Variants in HUWE1 observed in about 807,000 individuals in gnomAD.
HUWE1 encodes E3 ubiquitin-protein ligase HUWE1.
In HUWE1, 18 loss-of-function variants were observed where a neutral mutation model predicts 299.4. The ratio of observed to expected loss-of-function variants is 0.06; its 90% CI spans 0.04 to 0.09. The LOEUF (loss-of-function observed/expected upper bound fraction) is 0.09, where lower values mean the gene tolerates loss of function less well. HUWE1 is among the 10% of genes least tolerant of loss of function. The pLI is 1.00. For synonymous variants in HUWE1, 1,317 were observed against 1,286.1 expected (o/e 1.02, Z -0.51); for missense variants, 1,832 against 3,462.3 (o/e 0.53, Z 11.82).
chrX:53,661,030 T>C (rs375479859), intron 3 of HUWE1, among the ~76,000 whole-genome samples: 9 of 108,293 alleles, frequency 8.3e-5, no homozygotes, highest in Non-Finnish European at 1.1e-4. Flanking sequence ...TAACATGCGA[T>C]TCACTTTTTT....
chrX:53,683,730 G>A (rs1461023393), intron 2 of HUWE1: 3 of 277,078 alleles, frequency 1.1e-5, no homozygotes, highest in South Asian at 2.4e-4. Flanking sequence ...CCTTAACGCT[G>A]GGCACCTCAG....
At chrX:53,664,995 T>A (rs1244380345) in intron 3 of HUWE1, among the ~76,000 whole-genome samples, 1 of 112,362 alleles carries the variant, frequency 8.9e-6, no homozygotes, top group East Asian at 2.8e-4. Context: ...TCTATACCTA[T>A]TGTGCATTAT....
At chrX:53,560,461 C>G (rs1556940020) in intron 55 of HUWE1, 45 bp from the exon 56 acceptor site, 1 of 1,112,473 alleles carries the variant, frequency 9.0e-7, no homozygotes, top group Admixed American at 2.2e-5. Flanking sequence ...AAAGAAATTT[C>G]TTCCATGTTT....
intron 17 of HUWE1, chrX:53,625,914 G>C (rs1306381725): frequency 2.7e-6 from 1 of 374,503 alleles, no homozygotes. Context: ...ACTGGGACCA[G>C]GGCTGGGGCC....
At chrX:53,577,576 C>G (rs1428830960) in intron 43 of HUWE1, among the ~76,000 whole-genome samples, 1 of 112,611 alleles carries the variant, frequency 8.9e-6, no homozygotes, top group Non-Finnish European at 1.9e-5. Flanking sequence ...CGAGCCAAAG[C>G]TGGACGGTAC....
At chrX:53,670,485 G>GGT (rs1436294899) in intron 3 of HUWE1, among the ~76,000 whole-genome samples, 14 of 111,186 alleles carry the variant, frequency 1.3e-4, no homozygotes, top group African/African-American at 4.6e-4. Flanking sequence ...GGAAATATAG[G>GGT]GTATCATCCA....
chrX:53,608,938 C>T (rs1556999444), intron 23 of HUWE1, 29 bp from the exon 24 acceptor site: 1 of 862,792 alleles, frequency 1.2e-6, no homozygotes, highest in East Asian at 3.1e-5. Flanking sequence ...GTGAGTTACA[C>T]AGAAATTCAC....
At chrX:53,535,180 C>G (rs1460463316) in intron 81 of HUWE1, among the ~76,000 whole-genome samples, 1 of 111,796 alleles carries the variant, frequency 8.9e-6, no homozygotes, top group East Asian at 2.8e-4. Flanking sequence ...ACTGATCCGC[C>G]CACCTTGGCC....
chrX:53,629,632 C>G lies in HUWE1; in HGVS notation c.863-16G>C, dbSNP rs1557021043. The G allele has an allele frequency of 9.2e-7, 1 of 1,084,067 alleles. No homozygotes were observed. The highest frequency in any genetic ancestry group is 1.3e-6 in the Non-Finnish European group (1 of 779,560). 89.3% of individuals were successfully genotyped at this position (1,084,067 alleles called of 1,213,427 possible). A position where few individuals can be genotyped will look rare whatever the true frequency, so the allele number is the denominator to read the frequency against. On this transcript the variant is annotated splice_polypyrimidine_tract_variant and intron_variant, in intron 12 of 83. Coordinates refer to ENST00000262854, the MANE Select transcript of HUWE1 (RefSeq NM_031407.7). ...TTGGAATACACTGCAAAAGGAGAAACAAACACTTTAGGCAAGAAGGCAGTG... is the reference window on the plus strand; with the variant it reads ...TTGGAATACACTGCAAAAGGAGAAAGAAACACTTTAGGCAAGAAGGCAGTG...
intron 19 of HUWE1, among the ~76,000 whole-genome samples, chrX:53,622,991 A>G (rs185812152): frequency 5.4e-5 from 6 of 111,609 alleles, no homozygotes; most frequent in African/African-American, 2.0e-4. Context: ...GAAAACTGGG[A>G]GGTTGCTATG....
intron 74 of HUWE1, among the ~76,000 whole-genome samples, chrX:53,542,133 A>G (rs1172643126): frequency 3.6e-5 from 4 of 112,282 alleles, no homozygotes; most frequent in African/African-American, 1.3e-4. Context: ...CAGTGAGCAG[A>G]CATCGTGCCA....
At chrX:53,564,538 C>T (rs1250253850) in intron 51 of HUWE1, 36 bp downstream of exon 51, 56 of 1,203,157 alleles carry the variant, frequency 4.7e-5, no homozygotes, top group Non-Finnish European at 5.5e-5. Flanking sequence ...GGTTCAGCGC[C>T]GCAACAGGGA....
chrX:53,608,346 G>A (rs2065253814), intron 24 of HUWE1, among the ~76,000 whole-genome samples: 1 of 102,035 alleles, frequency 9.8e-6, no homozygotes, highest in African/African-American at 3.3e-5. Flanking sequence ...TGGGAAAAAA[G>A]GGGGAAAATA....
At chrX:53,676,661 G>C (rs1300822268) in intron 3 of HUWE1, among the ~76,000 whole-genome samples, 3 of 111,719 alleles carry the variant, frequency 2.7e-5, no homozygotes, top group Non-Finnish European at 5.6e-5. Flanking sequence ...AAGACTACTA[G>C]AGAGCATGTC....
intron 43 of HUWE1, 49 bp from the exon 44 acceptor site, chrX:53,577,116 A>T (rs782611123): frequency 2.6e-4 from 250 of 972,195 alleles, no homozygotes; most frequent in Non-Finnish European, 3.4e-4. Flanking sequence ...AGCAGTACCT[A>T]AACTAGGTTA....
In HUWE1 at chrX:53,617,475, C is replaced by T. The variant is rs201998952; in HGVS notation, c.1673-29G>A. The T allele has an allele frequency of 4.3e-5, 39 of 905,336 alleles. No individual in the cohort carries two copies. In the East Asian group the frequency reaches 1.2e-3, roughly 28 times the overall value. 74.6% of individuals were successfully genotyped at this position (905,336 alleles called of 1,213,427 possible). ...AAAAAAGATGAGAAAATATGGAAAA[C>T]TGAGAGATTCCTCACAGAAACTGAA... On this transcript the variant is annotated intron_variant, in intron 19 of 83. Coordinates refer to ENST00000262854, the MANE Select transcript of HUWE1 (RefSeq NM_031407.7).
rs782090206 is a variant in HUWE1 at position 53,594,456 on chromosome X, A to C, written c.3503+43T>G. 6.5e-5 allele frequency: 78 copies of C among 1,197,698 alleles called. No individual in the cohort carries two copies. The South Asian group carries it at 1.3e-3, about 20-fold the overall frequency. On this transcript the variant is annotated intron_variant, in intron 31 of 83. Coordinates refer to ENST00000262854, the MANE Select transcript of HUWE1 (RefSeq NM_031407.7). Reference sequence around the variant, plus strand: ...GCTGGGAAGGCACACAGCAAAGATCAAACTCCAAGAAATGCTCCTCTGTGA... The same window carrying C: ...GCTGGGAAGGCACACAGCAAAGATCCAACTCCAAGAAATGCTCCTCTGTGA...
chrX:53,565,970 C>A (rs1333835266), intron 49 of HUWE1, among the ~76,000 whole-genome samples: 3 of 107,266 alleles, frequency 2.8e-5, no homozygotes, highest in Non-Finnish European at 5.8e-5. Flanking sequence ...ACAATAGGGG[C>A]TGCAGTTGGA....
intron 78 of HUWE1, 94 bp from the exon 79 acceptor site, chrX:53,536,761 G>A (rs1431900897): frequency 1.3e-6 from 1 of 772,758 alleles, no homozygotes; most frequent in Non-Finnish European, 1.9e-6. Flanking sequence ...AGCAGTGTCT[G>A]GGGAGTGCAG....
Sources: gnomAD v4.1 joint callset for allele counts (sites outside exome capture counted in the v4.1 genomes callset) on GRCh38, gnomAD v4.1.1 for gene constraint, MANE v1.5 for transcripts, NCBI Gene and HGNC (gene_info 2026-07-23, HGNC 2026-07-21) for gene names.